The following DDC variants were observed in gnomAD, a reference collection of about 807,000 sequenced individuals.
DDC encodes the protein dopa decarboxylase.
In DDC, 43 loss-of-function variants were observed where a neutral mutation model predicts 60.0. That is an observed-to-expected ratio of 0.72 (90% confidence interval 0.56 to 0.92). The LOEUF (loss-of-function observed/expected upper bound fraction) is 0.92. DDC is among the 40% of genes least tolerant of loss of function. The pLI, the probability that DDC is intolerant of heterozygous loss-of-function variation, is 0.00. For missense variants in DDC, 573 were observed against 620.2 expected (o/e 0.92, Z 0.81); for synonymous variants, 232 against 234.6 (o/e 0.99, Z 0.10).
rs142686468 is a variant in DDC at position 50,516,140 on chromosome 7, G to A, written c.714+11997C>T. The stretch of plus-strand genomic sequence containing the variant: ...CAGAATACACATTCCGTTCAACAGC[G>A]CATGGAACTTTCTCCAAGATAGACC... On this transcript the variant is annotated intron_variant, in intron 6 of 14. Transcript: ENST00000444124. Among the ~76,000 whole-genome samples, 1,375 of 152,146 alleles carry A rather than the reference G, an allele frequency of 9.0e-3. 17 individuals carry two copies. The highest frequency in any genetic ancestry group is 0.03 in the African/African-American group (1,234 of 41,510).
At chr7:50,492,833 G>A in intron 9 of DDC, 2 of 1,531,124 alleles carry the variant, frequency 1.3e-6, no homozygotes, top group East Asian at 2.4e-5. Flanking sequence ...GTCCGGGAGA[G>A]ATGAGCGCAC....
At chr7:50,483,187 C>T (rs999323626) in intron 9 of DDC, among the ~76,000 whole-genome samples, 5 of 152,006 alleles carry the variant, frequency 3.3e-5, no homozygotes, top group Admixed American at 2.0e-4. Flanking sequence ...TCTGCTGTTC[C>T]GATTTTACTA....
At chr7:50,483,309 C>T (rs1320082825) in intron 9 of DDC, among the ~76,000 whole-genome samples, 1 of 152,142 alleles carries the variant, frequency 6.6e-6, no homozygotes, top group African/African-American at 2.4e-5. Context: ...CTTTAAAAAT[C>T]TTCTACTATT....
intron 10 of DDC, among the ~76,000 whole-genome samples, chr7:50,478,530 C>T (rs1435882644): frequency 1.3e-5 from 2 of 152,176 alleles, no homozygotes; most frequent in Admixed American, 6.6e-5. Flanking sequence ...TAGAAGAATT[C>T]AGATACGGTG....
chr7:50,544,355 C>T (rs2044734154), intron 1 of DDC, among the ~76,000 whole-genome samples: 1 of 152,216 alleles, frequency 6.6e-6, no homozygotes, highest in African/African-American at 2.4e-5. Context: ...AACAACACAA[C>T]GTCGCTTTAT....
At chr7:50,492,202 G>T (rs1323318581) in intron 9 of DDC, among the ~76,000 whole-genome samples, 1 of 152,178 alleles carries the variant, frequency 6.6e-6, no homozygotes, top group Admixed American at 6.5e-5. Context: ...TGTTTAAGCC[G>T]CTTGTCCATG....
In DDC at chr7:50,476,621, T is replaced by C. The variant is rs1353792554; in HGVS notation, c.1041+3A>G. 6.2e-7 allele frequency: 1 copy of C among 1,612,222 alleles called. No individual in the cohort carries two copies. Among genetic ancestry groups the C allele is most frequent in the Admixed American group, 1.7e-5 (1 of 60,022 alleles). ...TGAGATTACAGTGGAATCTCCCACT[T>C]ACCCGGTAGTCAGTGATAAGCCCTG... On this transcript the variant is annotated splice_donor_region_variant and intron_variant, in intron 11 of 14. Transcript: ENST00000444124.
chr7:50,543,479 A>G (rs1381962677), intron 2 of DDC: 2 of 322,340 alleles, frequency 6.2e-6, no homozygotes, highest in South Asian at 5.7e-5. Context: ...CTAATTACCT[A>G]TTGCTAAACC....
intron 6 of DDC, among the ~76,000 whole-genome samples, chr7:50,513,504 C>T (rs962130678): frequency 4.6e-5 from 7 of 152,156 alleles, no homozygotes; most frequent in Admixed American, 2.6e-4. Context: ...GGTGCAAATC[C>T]GGTGTGCAGG....
At chr7:50,463,086 G>A in intron 14 of DDC, 127 bp downstream of exon 14, 1 of 777,646 alleles carries the variant, frequency 1.3e-6, no homozygotes, top group South Asian at 1.6e-5. Flanking sequence ...CTTATTTTAA[G>A]GTGAGGGAAA....
chr7:50,534,674 A>G (rs1164126725), intron 4 of DDC, among the ~76,000 whole-genome samples: 2 of 152,182 alleles, frequency 1.3e-5, no homozygotes, highest in Non-Finnish European at 2.9e-5. Flanking sequence ...TGTCCCGTGT[A>G]TAAAACTAAA....
chr7:50,495,401 T>C lies in DDC; in HGVS notation c.893A>G (p.Asn298Ser). 1.9e-6 allele frequency: 3 copies of C among 1,612,428 alleles called. No individual in the cohort carries two copies. The highest frequency in any genetic ancestry group is 2.5e-6 in the Non-Finnish European group (3 of 1,179,106). Residue 298 changes from asparagine to serine, a missense_variant, in exon 9 of 15, where the codon AAC becomes AGC. Asn to Ser is a conservative substitution (Grantham distance 46, BLOSUM62 1). Coordinates refer to ENST00000444124, the MANE Select transcript of DDC (RefSeq NM_001082971.2). Reference protein sequence around the residue: ...LNGVEFADSFNFNPHKWLLVN... With the variant: ...LNGVEFADSFSFNPHKWLLVN... ...CAATAGCCATTTGTGGGGATTAAAG[T>C]TGAATGAATCTGCAAACTGCCAAAG...
chr7:50,485,032 T>C (rs1274448991), intron 9 of DDC, among the ~76,000 whole-genome samples: 2 of 152,212 alleles, frequency 1.3e-5, no homozygotes, highest in African/African-American at 4.8e-5. Flanking sequence ...ATTACTAGAA[T>C]GATTAAAACT....
chr7:50,484,820 T>TA (rs1457303759), intron 9 of DDC, among the ~76,000 whole-genome samples: 2 of 152,142 alleles, frequency 1.3e-5, no homozygotes, highest in Admixed American at 1.3e-4. Flanking sequence ...CCTGGCTCCT[T>TA]ACGTTTTCTT....
intron 2 of DDC, chr7:50,543,346 C>A: frequency 5.3e-6 from 1 of 187,554 alleles, no homozygotes; most frequent in Non-Finnish European, 1.1e-5. Context: ...CAGCCAGTCC[C>A]GCTGATTTCT....
At chr7:50,514,591 A>G (rs1226383464) in intron 6 of DDC, among the ~76,000 whole-genome samples, 1 of 152,200 alleles carries the variant, frequency 6.6e-6, no homozygotes, top group Non-Finnish European at 1.5e-5. Flanking sequence ...ACAATACAAG[A>G]AGTAAGAGGA....
At chr7:50,509,447 ATC>A (rs1207387073) in intron 6 of DDC, among the ~76,000 whole-genome samples, 6 of 151,952 alleles carry the variant, frequency 3.9e-5, no homozygotes, top group Non-Finnish European at 5.9e-5. Context: ...GCACAGATAA[ATC>A]TCTCTCTCAG....
At chr7:50,483,526 C>G (rs1438835625) in intron 9 of DDC, among the ~76,000 whole-genome samples, 1 of 152,052 alleles carries the variant, frequency 6.6e-6, no homozygotes, top group Non-Finnish European at 1.5e-5. Context: ...GGCAGTGTGG[C>G]CTCTTTTGCT....
intron 9 of DDC, among the ~76,000 whole-genome samples, chr7:50,481,116 A>T (rs1365595014): frequency 6.6e-6 from 1 of 152,174 alleles, no homozygotes; most frequent in Non-Finnish European, 1.5e-5. Context: ...GAAAGACAGA[A>T]CCCAGTGAGC....
Sources: gnomAD v4.1 joint callset for allele counts (sites outside exome capture counted in the v4.1 genomes callset) on GRCh38, gnomAD v4.1.1 for gene constraint, MANE v1.5 for transcripts, NCBI Gene and HGNC (gene_info 2026-07-23, HGNC 2026-07-21) for gene names.